Variants in PHYH observed in about 807,000 individuals in gnomAD.
The protein encoded by PHYH is phytanoyl-CoA dioxygenase, peroxisomal.
Under a neutral mutation model 38.5 loss-of-function variants are expected in PHYH, and 32 were observed. The observed-to-expected ratio is 0.83, with a 90% CI of 0.63 to 1.12. PHYH has a LOEUF of 1.12. PHYH is among the 50% of genes most tolerant of loss of function. The probability of loss-of-function intolerance (pLI) is 0.00; values close to 1 mark genes in which losing one functional copy is unlikely to be tolerated. For synonymous variants in PHYH, 166 were observed against 157.9 expected (o/e 1.05, Z -0.38); for missense variants, 426 against 434.8 (o/e 0.98, Z 0.18).
intron 8 of PHYH, among the ~76,000 whole-genome samples, chr10:13,279,820 T>G (rs545227270): frequency 6.6e-6 from 1 of 152,262 alleles, no homozygotes; most frequent in East Asian, 1.9e-4. Context: ...GGATGTTAGC[T>G]CAAAGCTCCA....
At position 13,277,823 on chromosome 10, in the gene PHYH, T is replaced by C. The variant is rs892174330; in HGVS notation, c.*478A>G. 5.3e-6 allele frequency: 1 copy of C among 188,318 alleles called. No homozygotes were observed. Among genetic ancestry groups the C allele is most frequent in the Non-Finnish European group, 1.1e-5 (1 of 90,492 alleles). 11.7% of individuals were successfully genotyped at this position (188,318 alleles called of 1,614,324 possible). A position where few individuals can be genotyped will look rare whatever the true frequency, so the allele number is the denominator to read the frequency against. On this transcript the variant is annotated 3_prime_UTR_variant, in exon 9 of 9. Coordinates refer to ENST00000263038, the MANE Select transcript of PHYH (RefSeq NM_006214.4). Reference sequence around the variant, plus strand: ...GTCCGAGCAGGAATATCCACTTTATTTGGACTCCATGACACCGTTCCTATG... The same window carrying C: ...GTCCGAGCAGGAATATCCACTTTATCTGGACTCCATGACACCGTTCCTATG...
Position 13,277,902 on chromosome 10 carries a change from A to G in PHYH, c.*399T>C, listed in dbSNP as rs1835324794. On this transcript the variant is annotated 3_prime_UTR_variant, in exon 9 of 9. Coordinates refer to ENST00000263038, the MANE Select transcript of PHYH (RefSeq NM_006214.4). ...ATTGTTCTAGATTTGGGGGAAAAAA[A>G]TCTCTTATGACATAAAATTGGTAGG... 2 of 296,204 alleles carry G rather than the reference A, an allele frequency of 6.8e-6. No homozygotes were observed. The highest frequency in any genetic ancestry group is 1.3e-5 in the Non-Finnish European group (2 of 154,048). The allele number at this position is 296,204 out of a possible 1,614,324, so 18.3% of individuals were successfully genotyped here. A position where few individuals can be genotyped will look rare whatever the true frequency, so the allele number is the denominator to read the frequency against.
chr10:13,280,628 T>C (rs1835388888), intron 8 of PHYH, among the ~76,000 whole-genome samples: 1 of 152,228 alleles, frequency 6.6e-6, no homozygotes, highest in Non-Finnish European at 1.5e-5. Context: ...TTTACAGGCA[T>C]GAGCCACCAT....
At chr10:13,281,932 G>C (rs1324861634) in intron 7 of PHYH, among the ~76,000 whole-genome samples, 1 of 152,158 alleles carries the variant, frequency 6.6e-6, no homozygotes, top group Non-Finnish European at 1.5e-5. Context: ...TGAAATTATA[G>C]TAATATTTTC....
intron 8 of PHYH, 25 bp from the exon 9 acceptor site, chr10:13,278,379 G>A (rs1835339395): frequency 6.4e-7 from 1 of 1,567,970 alleles, no homozygotes; most frequent in Non-Finnish European, 8.8e-7. Flanking sequence ...AAACAGAGTG[G>A]GTTTATGGAA....
Position 13,291,848 on chromosome 10 carries a change from T to C in PHYH, c.479A>G (p.Asn160Ser). The change falls in exon 5 of 9, where the codon AAC becomes AGC. Residue 160 changes from asparagine (N) to serine (S), a missense_variant. Transcript: ENST00000263038. ...ACAATTACCAGAATCTGGAGGTTTG[T>C]TTATCAACATTGTGTGCATGGCCAT... is the stretch of plus-strand genomic sequence containing the variant. Reference protein sequence around the residue: ...NIMAMHTMLINKPPDSGKKTS... With the variant: ...NIMAMHTMLISKPPDSGKKTS... The C allele has an allele frequency of 6.2e-7, 1 of 1,608,978 alleles. No homozygotes were observed. The highest frequency in any genetic ancestry group is 8.5e-7 in the Non-Finnish European group (1 of 1,176,038).
At chr10:13,282,472 G>A (rs1041412340) in intron 7 of PHYH, among the ~76,000 whole-genome samples, 14 of 151,156 alleles carry the variant, frequency 9.3e-5, no homozygotes, top group Non-Finnish European at 1.6e-4. Context: ...TGTGCCTGTA[G>A]TCTCAGCTAC....
intron 7 of PHYH, among the ~76,000 whole-genome samples, chr10:13,283,279 G>A (rs11258306): frequency 0.26 from 39,543 of 151,636 alleles, 5,423 homozygotes; most frequent in African/African-American, 0.35. Context: ...ACAGGCGCCC[G>A]CCACCTCGCC....
At chr10:13,282,589 C>A in intron 7 of PHYH, among the ~76,000 whole-genome samples, 1 of 95,762 alleles carries the variant, frequency 1.0e-5, no homozygotes, top group African/African-American at 5.5e-5. Flanking sequence ...GAGACTCCAC[C>A]TCAAAAAAAA....
intron 4 of PHYH, among the ~76,000 whole-genome samples, chr10:13,294,132 G>A (rs566267260): frequency 1.3e-5 from 2 of 152,128 alleles, no homozygotes; most frequent in Non-Finnish European, 2.9e-5. Context: ...AACCTGGGAG[G>A]AAGAGGTTGC....
intron 4 of PHYH, among the ~76,000 whole-genome samples, chr10:13,293,930 G>A (rs866999903): frequency 7.2e-5 from 11 of 152,012 alleles, no homozygotes; most frequent in South Asian, 2.1e-4. Context: ...CTGGCCAGGC[G>A]CAGTGACTCA....
intron 1 of PHYH, among the ~76,000 whole-genome samples, chr10:13,298,731 A>ACTACTACTACTACTG (rs1248250420): frequency 8.4e-4 from 76 of 90,310 alleles, no homozygotes; most frequent in African/African-American, 2.4e-3. Flanking sequence ...TACTACTACT[A>ACTACTACTACTACTG]CTACTACTAC....
chr10:13,280,814 G>A (rs1174147952), intron 8 of PHYH, among the ~76,000 whole-genome samples, 162 bp downstream of exon 8: 2 of 152,136 alleles, frequency 1.3e-5, no homozygotes, highest in African/African-American at 4.8e-5. Flanking sequence ...AAGTGTAAAT[G>A]GAAATTCCAT....
At position 13,299,686 on chromosome 10, in the gene PHYH, A is replaced by G. The variant is rs927244208; in HGVS notation, c.75+282T>C. ...GCGCCGCCGGTGAAACGACGTCTCC[A>G]CAAAGAGAGGAGCAGAGGCCCCCAG... On this transcript the variant is annotated intron_variant, in intron 1 of 8. Transcript: ENST00000263038. 8.0e-6 allele frequency: 10 copies of G among 1,252,956 alleles called. No individual in the cohort carries two copies. In the Admixed American group the frequency reaches 1.4e-4, roughly 17 times the overall value. 77.6% of individuals were successfully genotyped at this position (1,252,956 alleles called of 1,614,324 possible).
chr10:13,293,312 GT>G (rs915657318), intron 4 of PHYH, among the ~76,000 whole-genome samples: 3 of 151,214 alleles, frequency 2.0e-5, no homozygotes, highest in Admixed American at 6.6e-5. Flanking sequence ...TTTTGTTTTT[GT>G]TTTTTTTGAG....
intron 1 of PHYH, 165 bp downstream of exon 1, chr10:13,299,803 G>A: frequency 2.3e-6 from 3 of 1,314,902 alleles, no homozygotes; most frequent in African/African-American, 1.6e-5. Flanking sequence ...CCCGCTCCCC[G>A]GCTCCTGGAA....
At chr10:13,278,622 G>T (rs531966048) in intron 8 of PHYH, among the ~76,000 whole-genome samples, 1 of 151,830 alleles carries the variant, frequency 6.6e-6, no homozygotes, top group Non-Finnish European at 1.5e-5. Flanking sequence ...TCTGCCTCCC[G>T]GGTTCAAGCG....
intron 7 of PHYH, 66 bp from the exon 8 acceptor site, chr10:13,281,176 A>T: frequency 6.5e-7 from 1 of 1,527,152 alleles, no homozygotes. Flanking sequence ...CCAAGCAGGG[A>T]GTCTTTCTTT....
chr10:13,299,023 C>CTGGCG (rs1168201123), intron 1 of PHYH, among the ~76,000 whole-genome samples: 2 of 149,302 alleles, frequency 1.3e-5, no homozygotes, highest in East Asian at 3.9e-4. Context: ...CCCTGTAGTC[C>CTGGCG]CAACTACTTA....
Sources: allele counts gnomAD v4.1 joint callset (sites outside exome capture counted in the v4.1 genomes callset), GRCh38; gene constraint gnomAD v4.1.1; transcripts MANE v1.5; gene names NCBI Gene and HGNC (gene_info 2026-07-23, HGNC 2026-07-21).